Variants in AGBL1 observed in about 807,000 individuals in gnomAD.
AGBL1 encodes AGBL carboxypeptidase 1.
In AGBL1, 130 loss-of-function variants were observed where a neutral mutation model predicts 118.9. The ratio of observed to expected loss-of-function variants is 1.09; its 90% CI spans 0.95 to 1.26. The LOEUF (loss-of-function observed/expected upper bound fraction) is 1.26. AGBL1 is among the 50% of genes most tolerant of loss of function. AGBL1 has a pLI of 0.00. For missense variants in AGBL1, 1,584 were observed against 1,298.1 expected, an observed-to-expected ratio of 1.22 and a Z score of -3.38; for synonymous variants, 555 against 478.9, an observed-to-expected ratio of 1.16 and a Z score of -2.08.
At chr15:86,836,006 A>T (rs576081024) in intron 22 of AGBL1, among the ~76,000 whole-genome samples, 8 of 152,328 alleles carry the variant, frequency 5.3e-5, no homozygotes, top group South Asian at 2.1e-4. Flanking sequence ...GAACAAGAAC[A>T]TGCTGCTTCT....
At chr15:86,903,741 G>A (rs2080242967) in intron 22 of AGBL1, among the ~76,000 whole-genome samples, 1 of 152,172 alleles carries the variant, frequency 6.6e-6, no homozygotes, top group Admixed American at 6.5e-5. Flanking sequence ...AGTGTGGGGA[G>A]GGGCTCCTTG....
At chr15:86,403,039 G>T (rs1471976242) in intron 18 of AGBL1, among the ~76,000 whole-genome samples, 1 of 152,150 alleles carries the variant, frequency 6.6e-6, no homozygotes, top group Non-Finnish European at 1.5e-5. Context: ...AGAATGGGCA[G>T]TCAACAGATT....
intron 22 of AGBL1, among the ~76,000 whole-genome samples, chr15:86,896,569 G>T (rs942300627): frequency 6.6e-6 from 1 of 151,860 alleles, no homozygotes; most frequent in African/African-American, 2.4e-5. Flanking sequence ...CTGGTAGTTA[G>T]GTTTTCTAAC....
At position 86,087,220 on chromosome 15, in the gene AGBL1, C is replaced by G. The variant is rs185696818; in HGVS notation, c.51+7197C>G. Among the ~76,000 whole-genome samples, 183 of 152,184 alleles carry G rather than the reference C, an allele frequency of 1.2e-3. 1 individual carries two copies. The highest frequency in any genetic ancestry group is 1.6e-3 in the Non-Finnish European group (112 of 68,026). ...ATTTATTTCTTTTGTGTTCAGTTCC[C>G]TCTTCTTGGTCCTTTTCATAATAGC... On this transcript the variant is annotated intron_variant, in intron 1 of 22. Transcript: ENST00000614907.
chr15:86,727,582 T>A (rs530081380), intron 22 of AGBL1, among the ~76,000 whole-genome samples: 1 of 152,320 alleles, frequency 6.6e-6, no homozygotes, highest in East Asian at 1.9e-4. Flanking sequence ...GCTTTCAGCT[T>A]CATTATCTTT....
At chr15:86,780,743 G>A (rs1040744861) in intron 22 of AGBL1, among the ~76,000 whole-genome samples, 1 of 150,776 alleles carries the variant, frequency 6.6e-6, no homozygotes, top group South Asian at 2.1e-4. Flanking sequence ...GGCTCACTGC[G>A]ACTTCCACCT....
At chr15:86,389,106 G>T (rs1254664651) in intron 17 of AGBL1, among the ~76,000 whole-genome samples, 10 of 152,096 alleles carry the variant, frequency 6.6e-5, no homozygotes, top group African/African-American at 2.4e-4. Context: ...ATTATTTGCA[G>T]GGGTTAGGAT....
intron 17 of AGBL1, among the ~76,000 whole-genome samples, chr15:86,357,538 A>G (rs764538159): frequency 2.6e-5 from 4 of 152,140 alleles, no homozygotes; most frequent in South Asian, 2.1e-4. Flanking sequence ...TTTTATTTCT[A>G]TGTAGGGTAA....
chr15:86,781,162 A>G (rs1164911080), intron 22 of AGBL1, among the ~76,000 whole-genome samples: 1 of 151,646 alleles, frequency 6.6e-6, no homozygotes, highest in East Asian at 1.9e-4. Flanking sequence ...TTTTTTTTCA[A>G]GTTCTCTCTG....
chr15:87,015,550 A>C (rs993757449), intron 24 of AGBL1, among the ~76,000 whole-genome samples: 2 of 152,180 alleles, frequency 1.3e-5, no homozygotes, highest in African/African-American at 4.8e-5. Flanking sequence ...GTAAACACTG[A>C]GTGCCTTCTG....
intron 22 of AGBL1, among the ~76,000 whole-genome samples, chr15:86,895,065 T>C (rs2080103886): frequency 6.6e-6 from 1 of 151,142 alleles, no homozygotes; most frequent in South Asian, 2.1e-4. Flanking sequence ...TTCTTTTATC[T>C]TCCCTCCTTC....
intron 23 of AGBL1, among the ~76,000 whole-genome samples, chr15:86,936,066 G>T (rs2141644314): frequency 6.6e-6 from 1 of 152,344 alleles, no homozygotes; most frequent in African/African-American, 2.4e-5. Context: ...CCGAGGATGG[G>T]TCTCACAGGC....
intron 24 of AGBL1, among the ~76,000 whole-genome samples, chr15:87,023,549 C>G (rs2570101): frequency 1.3e-5 from 2 of 151,916 alleles, no homozygotes; most frequent in African/African-American, 4.8e-5. Context: ...CTTTTTAATA[C>G]ACCACTGACA....
intron 21 of AGBL1, among the ~76,000 whole-genome samples, chr15:86,639,749 G>A (rs1290609837): frequency 1.3e-5 from 2 of 152,172 alleles, no homozygotes; most frequent in Non-Finnish European, 2.9e-5. Flanking sequence ...GAGTGGAGGA[G>A]AGCAATGACC....
At chr15:86,538,629 C>T (rs1024944522) in intron 19 of AGBL1, among the ~76,000 whole-genome samples, 4 of 152,204 alleles carry the variant, frequency 2.6e-5, no homozygotes, top group Non-Finnish European at 4.4e-5. Flanking sequence ...GGGTTTCCAT[C>T]ATATTCTCAA....
intron 6 of AGBL1, among the ~76,000 whole-genome samples, chr15:86,239,628 C>G (rs1338407329): frequency 6.6e-6 from 1 of 152,162 alleles, no homozygotes; most frequent in African/African-American, 2.4e-5. Flanking sequence ...CTCAAAGAAC[C>G]ATAGGCTATT....
intron 17 of AGBL1, among the ~76,000 whole-genome samples, chr15:86,391,244 A>T (rs1040883732): frequency 1.3e-5 from 2 of 152,214 alleles, no homozygotes; most frequent in East Asian, 3.9e-4. Context: ...AATAAAAAAG[A>T]TAGAAACATC....
intron 23 of AGBL1, among the ~76,000 whole-genome samples, chr15:86,922,084 G>C (rs2080486795): frequency 6.6e-6 from 1 of 152,030 alleles, no homozygotes; most frequent in Non-Finnish European, 1.5e-5. Flanking sequence ...TTATGTAGGA[G>C]GATGAAGATA....
At chr15:86,360,023 T>G (rs2080779867) in intron 17 of AGBL1, among the ~76,000 whole-genome samples, 1 of 152,020 alleles carries the variant, frequency 6.6e-6, no homozygotes. Context: ...GGATGTGATT[T>G]ATTTATTTAT....
Sources: gnomAD v4.1 joint callset for allele counts (sites outside exome capture counted in the v4.1 genomes callset) on GRCh38, gnomAD v4.1.1 for gene constraint, MANE v1.5 for transcripts, NCBI Gene and HGNC (gene_info 2026-07-23, HGNC 2026-07-21) for gene names.